The following GLIS3 variants were observed in gnomAD, a reference collection of about 807,000 sequenced individuals.
GLIS3 encodes the protein zinc finger protein GLIS3.
In GLIS3, 53 loss-of-function variants were observed where a neutral mutation model predicts 78.6. That is an observed-to-expected ratio of 0.67 (90% confidence interval 0.54 to 0.85). GLIS3 has a LOEUF of 0.85. Ranked by LOEUF, GLIS3 falls within the 40% of genes least tolerant of loss-of-function variation. The pLI, the probability that GLIS3 is intolerant of heterozygous loss-of-function variation, is 0.00. For synonymous variants in GLIS3, 684 were observed against 509.9 expected (o/e 1.34, Z -4.60); for missense variants, 1,703 against 1,231.1 (o/e 1.38, Z -5.74).
chr9:4,390,133 G>A, the GLIS3 span, among the ~76,000 whole-genome samples: 1 of 152,246 alleles, frequency 6.6e-6, no homozygotes, highest in Non-Finnish European at 1.5e-5. Flanking sequence ...ATAGATGCCT[G>A]AAAGATCATG....
intron 4 of GLIS3, among the ~76,000 whole-genome samples, chr9:3,995,857 G>C (rs988005003): frequency 6.6e-6 from 1 of 152,118 alleles, no homozygotes; most frequent in South Asian, 2.1e-4. Flanking sequence ...AGAGTTCCAG[G>C]AGGTGATAAT....
the GLIS3 span, among the ~76,000 whole-genome samples, chr9:4,460,262 A>C: frequency 6.6e-6 from 1 of 152,222 alleles, no homozygotes. Context: ...TGACATCTGC[A>C]TGGATCCCCT....
intron 2 of GLIS3, among the ~76,000 whole-genome samples, chr9:4,249,743 T>C (rs929837550): frequency 1.3e-5 from 2 of 152,226 alleles, no homozygotes; most frequent in Non-Finnish European, 2.9e-5. Flanking sequence ...CAGTATGATA[T>C]TGACTGTGGG....
At position 4,299,915 on chromosome 9, in the gene GLIS3, C is replaced by T. The variant is rs993100640; in HGVS notation, c.-593G>A. 1 of 151,986 alleles carries T rather than the reference C, an allele frequency of 6.6e-6. No individual in the cohort carries two copies. Among genetic ancestry groups the T allele is most frequent in the African/African-American group, 2.4e-5 (1 of 41,362 alleles). 9.4% of individuals were successfully genotyped at this position (151,986 alleles called of 1,614,324 possible). On this transcript the variant is annotated 5_prime_UTR_variant, in exon 1 of 11. Coordinates refer to ENST00000381971, the MANE Select transcript of GLIS3 (RefSeq NM_001042413.2). The stretch of plus-strand genomic sequence containing the variant: ...GGCGCGGACGGCGTACAGGGGGTCC[C>T]GGGAGGGGCAGTGGCCGCGGCACTC...
At chr9:4,211,884 T>G (rs931931436) in intron 2 of GLIS3, among the ~76,000 whole-genome samples, 1 of 152,224 alleles carries the variant, frequency 6.6e-6, no homozygotes, top group Non-Finnish European at 1.5e-5. Flanking sequence ...TGGATTGACC[T>G]TGAAAACATT....
At chr9:4,138,494 G>A (rs1833572062) in intron 2 of GLIS3, among the ~76,000 whole-genome samples, 1 of 152,200 alleles carries the variant, frequency 6.6e-6, no homozygotes, top group South Asian at 2.1e-4. Flanking sequence ...TAGTAGAGGA[G>A]TGAGACTTCA....
At chr9:4,047,563 T>C (rs11790872) in intron 4 of GLIS3, among the ~76,000 whole-genome samples, 11,509 of 152,272 alleles carry the variant, frequency 0.076, 566 homozygotes, top group African/African-American at 0.14. Flanking sequence ...CTTTGCATTT[T>C]AGCTTCACAA....
intron 2 of GLIS3, among the ~76,000 whole-genome samples, chr9:4,140,023 A>G (rs984281389): frequency 3.3e-5 from 5 of 152,180 alleles, no homozygotes; most frequent in South Asian, 2.1e-4. Context: ...ATCGCAGCCA[A>G]TTCTTCATAT....
At chr9:3,880,403 A>ACAGT (rs1337009053) in intron 7 of GLIS3, among the ~76,000 whole-genome samples, 1 of 152,192 alleles carries the variant, frequency 6.6e-6, no homozygotes, top group Non-Finnish European at 1.5e-5. Flanking sequence ...TGTCACTTTC[A>ACAGT]CAGTCTATCA....
intron 6 of GLIS3, among the ~76,000 whole-genome samples, chr9:3,929,112 ACTT>A (rs1176517278): frequency 2.6e-5 from 4 of 152,142 alleles, no homozygotes; most frequent in South Asian, 2.1e-4. Flanking sequence ...CTATAGGCGA[ACTT>A]CTTCTATTCT....
the GLIS3 span, among the ~76,000 whole-genome samples, chr9:4,388,947 A>C: frequency 6.6e-6 from 1 of 152,204 alleles, no homozygotes; most frequent in African/African-American, 2.4e-5. Flanking sequence ...TCAAGAAGTC[A>C]GAAAGTGAAG....
the GLIS3 span, among the ~76,000 whole-genome samples, chr9:4,382,780 A>G: frequency 1.3e-5 from 2 of 152,172 alleles, no homozygotes; most frequent in Non-Finnish European, 2.9e-5. Flanking sequence ...GGGCCTTTCC[A>G]TTTCTCATGT....
chr9:4,047,120 G>A (rs1825314734), intron 4 of GLIS3, among the ~76,000 whole-genome samples: 2 of 152,124 alleles, frequency 1.3e-5, no homozygotes, highest in Admixed American at 1.3e-4. Context: ...GGATCATGGG[G>A]GCTGTTTCCC....
chr9:4,407,500 A>G, the GLIS3 span, among the ~76,000 whole-genome samples: 1 of 152,106 alleles, frequency 6.6e-6, no homozygotes, highest in Non-Finnish European at 1.5e-5. Context: ...AAAAACAATT[A>G]GCCGGGCGTG....
At position 3,827,842 on chromosome 9, in the gene GLIS3, A is replaced by C; in HGVS notation, c.*430T>G. The C allele has an allele frequency of 3.9e-6, 1 of 259,008 alleles. No individual in the cohort carries two copies. The highest frequency in any genetic ancestry group is 4.9e-5 in the South Asian group (1 of 20,304). 16.0% of individuals were successfully genotyped at this position (259,008 alleles called of 1,614,324 possible). A position where few individuals can be genotyped will look rare whatever the true frequency, so the allele number is the denominator to read the frequency against. ...TGCCTGGCTTTGCATCAGGAGCAGCAAGGGTGAGGATTAGGTGAGGCAGGT... is the reference window on the plus strand; with the variant it reads ...TGCCTGGCTTTGCATCAGGAGCAGCCAGGGTGAGGATTAGGTGAGGCAGGT... On this transcript the variant is annotated 3_prime_UTR_variant, in exon 11 of 11. Transcript: ENST00000381971.
intron 3 of GLIS3, 104 bp downstream of exon 3, chr9:4,125,630 A>ATGAGTG: frequency 1.6e-6 from 1 of 610,472 alleles, no homozygotes; most frequent in African/African-American, 2.3e-5. Context: ...GTGTAAGTGT[A>ATGAGTG]TGAGTGTGTG....
chr9:4,338,389 T>TACACACAC (rs202090144), intron 2 of GLIS3, among the ~76,000 whole-genome samples: 46 of 147,466 alleles, frequency 3.1e-4, no homozygotes, highest in African/African-American at 6.1e-4. Context: ...CACACACACA[T>TACACACAC]ACACACACAC....
intron 7 of GLIS3, chr9:3,898,311 C>T: frequency 3.3e-6 from 1 of 301,484 alleles, no homozygotes; most frequent in South Asian, 3.3e-5. Context: ...CCTTTTAAAA[C>T]ATAAAGATGA....
chr9:4,223,980 AC>A (rs1821545745), intron 2 of GLIS3, among the ~76,000 whole-genome samples: 1 of 152,002 alleles, frequency 6.6e-6, no homozygotes, highest in Non-Finnish European at 1.5e-5. Context: ...AACAGCTTCT[AC>A]ACTTCTACAA....
Sources: gnomAD v4.1 joint callset for allele counts (sites outside exome capture counted in the v4.1 genomes callset) on GRCh38, gnomAD v4.1.1 for gene constraint, MANE v1.5 for transcripts, NCBI Gene and HGNC (gene_info 2026-07-23, HGNC 2026-07-21) for gene names.